The following DAZAP2 variants were observed in gnomAD, a reference collection of about 807,000 sequenced individuals.
The protein encoded by DAZAP2 is DAZ associated protein 2, also known as DAZ-associated protein 2.
Under a neutral mutation model 16.2 loss-of-function variants are expected in DAZAP2, and 3 were observed. The ratio of observed to expected loss-of-function variants is 0.19; its 90% confidence interval spans 0.08 to 0.48. The LOEUF is 0.48. Among genes scored for constraint, DAZAP2 ranks in the 20% least tolerant of loss-of-function variants. DAZAP2 has a pLI of 0.98. For synonymous variants in DAZAP2, 69 were observed against 77.6 expected, an observed-to-expected ratio of 0.89 and a Z score of 0.58; for missense variants, 172 against 215.9, an observed-to-expected ratio of 0.80 and a Z score of 1.27.
rs1207349177 is a variant in DAZAP2 at position 51,243,429 on chromosome 12, C to T, written c.*971C>T. ...AGAGTGTCTGATGCGGCCACTCATT[C>T]GGCTCCCCAGAATTCCTAGACTGGG... is the stretch of plus-strand genomic sequence containing the variant. On this transcript the variant is annotated 3_prime_UTR_variant, in exon 4 of 4. Coordinates refer to ENST00000412716, the MANE Select transcript of DAZAP2 (RefSeq NM_014764.4). The T allele has an allele frequency of 4.1e-6, 4 of 985,632 alleles. No homozygotes were observed. Among genetic ancestry groups the T allele is most frequent in the African/African-American group, 1.7e-5 (1 of 57,194 alleles). The allele number at this position is 985,632 out of a possible 1,614,324, so 61.1% of individuals were successfully genotyped here.
chr12:51,241,096 G>A lies in DAZAP2; in HGVS notation c.358G>A (p.Ala120Thr). The change falls in exon 3 of 4, where the codon GCT becomes ACT. Residue 120 changes from alanine (A) to threonine (T), a missense_variant. Transcript: ENST00000412716. ...TGCAGGTGCCAGATTTGGAGCTGGG[G>A]CTACTGCTGGCAACATTCCTGTGAG... Reference protein sequence around the residue: ...YDAGARFGAGATAGNIPPPPP... With the variant: ...YDAGARFGAGTTAGNIPPPPP... 4 of 1,614,202 alleles carry A rather than the reference G, an allele frequency of 2.5e-6. No homozygotes were observed. In the South Asian group the frequency reaches 4.4e-5, roughly 18 times the overall value.
At position 51,240,328 on chromosome 12, in the gene DAZAP2, TTTC is replaced by T; in HGVS notation, c.14-12_14-10del. ...CTGTGTAGTAGGCAACCTTCATTTT[TTTC>T]TTGTCTTTCAGGTCAATATCCAACA... On this transcript the variant is annotated splice_polypyrimidine_tract_variant and intron_variant, in intron 1 of 3. Coordinates refer to ENST00000412716, the MANE Select transcript of DAZAP2 (RefSeq NM_014764.4). The T allele has an allele frequency of 6.2e-7, 1 of 1,607,722 alleles. No individual in the cohort carries two copies. The highest frequency in any genetic ancestry group is 8.5e-7 in the Non-Finnish European group (1 of 1,174,260).
In DAZAP2 at chr12:51,238,867, A is replaced by T. The variant is rs757148624; in HGVS notation, c.-41A>T. 6.2e-7 allele frequency: 1 copy of T among 1,612,810 alleles called. No individual in the cohort carries two copies. Among genetic ancestry groups the T allele is most frequent in the Non-Finnish European group, 8.5e-7 (1 of 1,179,788 alleles). ...CGAACAGGAAGAGGACGAAAAAAAT[A>T]ACCGTCCGCGACGCCGAGACAAACC... On this transcript the variant is annotated 5_prime_UTR_variant, in exon 1 of 4. Transcript: ENST00000412716.
downstream of DAZAP2, chr12:51,246,155 G>C: frequency 1.2e-6 from 2 of 1,608,916 alleles, no homozygotes; most frequent in Non-Finnish European, 1.7e-6. Context: ...AGATGTTTCA[G>C]GATTGAGGAT....
Position 51,242,807 on chromosome 12 carries a change from T to C in DAZAP2, c.*349T>C. On this transcript the variant is annotated 3_prime_UTR_variant, in exon 4 of 4. Coordinates refer to ENST00000412716, the MANE Select transcript of DAZAP2 (RefSeq NM_014764.4). ...AAATTAGGTTTGGAGGGAACTTTGATCTTCCTAAGAATTAAAGTTGCCAAA... is the reference window on the plus strand; with the variant it reads ...AAATTAGGTTTGGAGGGAACTTTGACCTTCCTAAGAATTAAAGTTGCCAAA... 1 of 1,401,726 alleles carries C rather than the reference T, an allele frequency of 7.1e-7. No homozygotes were observed. Among genetic ancestry groups the C allele is most frequent in the Non-Finnish European group, 9.2e-7 (1 of 1,085,546 alleles). 86.8% of individuals were successfully genotyped at this position (1,401,726 alleles called of 1,614,324 possible).
At chr12:51,240,522 C>T in intron 2 of DAZAP2, 61 bp downstream of exon 2, 1 of 1,363,118 alleles carries the variant, frequency 7.3e-7, no homozygotes, top group East Asian at 2.3e-5. Flanking sequence ...TCCTTTAGTC[C>T]TTAGCTAAAT....
chr12:51,245,630 CCCTT>C, downstream of DAZAP2: 1 of 292,018 alleles, frequency 3.4e-6, no homozygotes, highest in Non-Finnish European at 6.6e-6. Context: ...TCTTTTCTCT[CCCTT>C]CAACCTGTGA....
rs544746793 is a variant in DAZAP2 at position 51,242,845 on chromosome 12, G to C, written c.*387G>C. 26 of 1,374,616 alleles carry C rather than the reference G, an allele frequency of 1.9e-5. 1 individual carries two copies. The highest frequency in any genetic ancestry group is 2.4e-5 in the Non-Finnish European group (26 of 1,070,348). The allele number at this position is 1,374,616 out of a possible 1,614,324, so 85.2% of individuals were successfully genotyped here. A position where few individuals can be genotyped will look rare whatever the true frequency, so the allele number is the denominator to read the frequency against. On this transcript the variant is annotated 3_prime_UTR_variant, in exon 4 of 4. Coordinates refer to ENST00000412716, the MANE Select transcript of DAZAP2 (RefSeq NM_014764.4). The stretch of plus-strand genomic sequence containing the variant: ...TAAAGTTGCCAAATTATTCTGATTG[G>C]TCTTTAATCTCCTTTAAGTCTTTGA...
At chr12:51,245,618 A>C (rs1018523598), downstream of DAZAP2, 5 of 264,250 alleles carry the variant, frequency 1.9e-5, no homozygotes, top group African/African-American at 4.3e-5. Context: ...CTTAACTCAA[A>C]ATCTTTTCTC....
chr12:51,239,340 C>G (rs959398860), intron 1 of DAZAP2: 1 of 197,810 alleles, frequency 5.1e-6, no homozygotes, highest in Non-Finnish European at 1.1e-5. Flanking sequence ...TGTGAGGTCT[C>G]TTTTCCTTCC....
downstream of DAZAP2, chr12:51,245,863 A>G: frequency 6.7e-7 from 1 of 1,495,798 alleles, no homozygotes; most frequent in South Asian, 1.3e-5. Flanking sequence ...CCCTGGCTTC[A>G]GAGAAAACTT....
chr12:51,241,195 C>T, intron 3 of DAZAP2, 79 bp downstream of exon 3: 1 of 1,560,168 alleles, frequency 6.4e-7, no homozygotes, highest in Non-Finnish European at 8.7e-7. Flanking sequence ...CATTCTCTTA[C>T]CATTTCTGGA....
rs970123863 is a variant in DAZAP2, at chr12:51,243,332, A to G, written c.*874A>G. ...GGGCAAGGAGGAGGATGCATTTCAA[A>G]AGCTTGATTGATGTGTTCAGAGCTA... On this transcript the variant is annotated 3_prime_UTR_variant, in exon 4 of 4. Transcript: ENST00000412716. 17 of 985,708 alleles carry G rather than the reference A, an allele frequency of 1.7e-5. No homozygotes were observed. In the African/African-American group the frequency reaches 2.6e-4, roughly 15 times the overall value. 61.1% of individuals were successfully genotyped at this position (985,708 alleles called of 1,614,324 possible).
downstream of DAZAP2, chr12:51,245,904 T>C (rs368165440): frequency 6.9e-6 from 11 of 1,590,658 alleles, no homozygotes; most frequent in Non-Finnish European, 8.6e-6. Flanking sequence ...GTGTTAGCGA[T>C]GGAGCCAGGA....
chr12:51,243,343 A>G lies in DAZAP2; in HGVS notation c.*885A>G. ...AGGATGCATTTCAAAAGCTTGATTG[A>G]TGTGTTCAGAGCTAAATTAAGAGGA... On this transcript the variant is annotated 3_prime_UTR_variant, in exon 4 of 4. Transcript: ENST00000412716. 1 of 985,790 alleles carries G rather than the reference A, an allele frequency of 1.0e-6. No homozygotes were observed. Among genetic ancestry groups the G allele is most frequent in the Non-Finnish European group, 1.2e-6 (1 of 829,924 alleles). The allele number at this position is 985,790 out of a possible 1,614,324, so 61.1% of individuals were successfully genotyped here.
chr12:51,239,164 G>C (rs1036042521), intron 1 of DAZAP2: 1 of 542,942 alleles, frequency 1.8e-6, no homozygotes, highest in South Asian at 2.3e-5. Flanking sequence ...CTCGGGTGGT[G>C]GGGGGGCTTG....
chr12:51,244,896 C>A (rs1158949658), downstream of DAZAP2: 1 of 144,176 alleles, frequency 6.9e-6, no homozygotes, highest in Admixed American at 7.5e-5. Flanking sequence ...GCAATCTCAG[C>A]TCACTGCAAG....
rs1276961377 is a variant in DAZAP2 at position 51,240,441 on chromosome 12, G to T, written c.112G>T (p.Ala38Ser). 9.3e-6 allele frequency: 15 copies of T among 1,613,978 alleles called. No homozygotes were observed. The highest frequency in any genetic ancestry group is 1.3e-5 in the Non-Finnish European group (15 of 1,179,906). The change falls in exon 2 of 4, where the codon GCT becomes TCT. Residue 38 changes from alanine (A) to serine (S), a missense_variant. By Grantham distance (99) the Ala-to-Ser change is moderately conservative. Coordinates refer to ENST00000412716, the MANE Select transcript of DAZAP2 (RefSeq NM_014764.4). ...HLPQAPPYTD[A>S]PPAYSELYRP... ...TCCTCAGGCTCCACCCTATACCGAT[G>T]CTCCACCTGCCTACTCAGAGGTGCT...
chr12:51,241,208 A>T, intron 3 of DAZAP2, 92 bp downstream of exon 3: 2 of 1,543,772 alleles, frequency 1.3e-6, no homozygotes, highest in South Asian at 1.2e-5. Flanking sequence ...TTTCTGGATG[A>T]TAGTTGCCAG....
Sources: allele counts gnomAD v4.1 joint callset, GRCh38; gene constraint gnomAD v4.1.1; transcripts MANE v1.5; gene names NCBI Gene and HGNC (gene_info 2026-07-23, HGNC 2026-07-21).